SPOCK3: variants seen among roughly 807,000 people sequenced by gnomAD.
SPOCK3 encodes testican-3.
SPOCK3 carries 30 observed loss-of-function variants against 56.6 expected under a neutral mutation model. The ratio of observed to expected loss-of-function variants is 0.53; its 90% confidence interval spans 0.40 to 0.72. The LOEUF is 0.72. Among genes scored for constraint, SPOCK3 ranks in the 30% least tolerant of loss-of-function variants. The pLI is 0.00. For missense variants in SPOCK3, 527 were observed against 530.0 expected, an observed-to-expected ratio of 0.99 and a Z score of 0.06; for synonymous variants, 196 against 183.3, an observed-to-expected ratio of 1.07 and a Z score of -0.56.
chr4:167,110,984 A>G (rs1470196823), intron 2 of SPOCK3, among the ~76,000 whole-genome samples: 2 of 152,030 alleles, frequency 1.3e-5, no homozygotes, highest in Non-Finnish European at 2.9e-5. Flanking sequence ...TTTTGGAATG[A>G]CATACTAATA....
intron 5 of SPOCK3, among the ~76,000 whole-genome samples, chr4:166,899,572 T>G (rs547013918): frequency 5.6e-4 from 82 of 145,566 alleles, no homozygotes; most frequent in Non-Finnish European, 1.0e-3. Context: ...AGTGGCATGA[T>G]CTCAGCTTAC....
Position 167,100,778 on chromosome 4 carries a change from A to G in SPOCK3, c.190-38241T>C, listed in dbSNP as rs1321086371. Among the ~76,000 whole-genome samples the G allele has an allele frequency of 2.0e-5, 3 of 152,140 alleles. No homozygotes were observed. In the South Asian group the frequency reaches 6.2e-4, roughly 31 times the overall value. ...AGTTAAGCAAAATACCATCAATCAA[A>G]TCATTATATTCCCAAATCCAATTAT... On this transcript the variant is annotated intron_variant, in intron 2 of 10. Coordinates refer to ENST00000357545, the MANE Select transcript of SPOCK3 (RefSeq NM_001040159.2).
At chr4:167,202,846 T>C (rs1387344567) in intron 2 of SPOCK3, among the ~76,000 whole-genome samples, 1 of 151,874 alleles carries the variant, frequency 6.6e-6, no homozygotes, top group Non-Finnish European at 1.5e-5. Flanking sequence ...AAGATGTAGA[T>C]AAAGGGGAAT....
intron 4 of SPOCK3, among the ~76,000 whole-genome samples, chr4:166,949,145 G>A (rs1742168148): frequency 6.6e-6 from 1 of 152,106 alleles, no homozygotes; most frequent in South Asian, 2.1e-4. Flanking sequence ...CCGCTCCTGA[G>A]GCTTCTGCAT....
intron 3 of SPOCK3, among the ~76,000 whole-genome samples, chr4:167,004,124 A>G (rs1749224346): frequency 6.6e-6 from 1 of 152,198 alleles, no homozygotes; most frequent in Non-Finnish European, 1.5e-5. Flanking sequence ...TTGTTGGCAG[A>G]GATGTATAAA....
chr4:166,981,556 G>A (rs1746573641), intron 4 of SPOCK3, among the ~76,000 whole-genome samples: 1 of 152,138 alleles, frequency 6.6e-6, no homozygotes, highest in African/African-American at 2.4e-5. Context: ...GTTTTTATGG[G>A]CTCAGAAGGG....
chr4:167,186,975 C>T (rs1250652179), intron 2 of SPOCK3, among the ~76,000 whole-genome samples: 2 of 125,908 alleles, frequency 1.6e-5, no homozygotes, highest in Non-Finnish European at 3.2e-5. Flanking sequence ...AGACTCTGTG[C>T]CTCAAAAAAA....
intron 5 of SPOCK3, among the ~76,000 whole-genome samples, chr4:166,897,963 G>C (rs903443939): frequency 6.6e-6 from 1 of 152,130 alleles, no homozygotes; most frequent in African/African-American, 2.4e-5. Flanking sequence ...CCCAAGGCAG[G>C]AGGAGCACTT....
chr4:167,077,269 TAC>T (rs553960996), intron 2 of SPOCK3, among the ~76,000 whole-genome samples: 115 of 149,590 alleles, frequency 7.7e-4, no homozygotes, highest in African/African-American at 2.3e-3. Context: ...TCATTCTACA[TAC>T]ACACACACAC....
At chr4:166,992,132 TAA>T (rs1467058719) in intron 4 of SPOCK3, among the ~76,000 whole-genome samples, 1 of 152,038 alleles carries the variant, frequency 6.6e-6, no homozygotes, top group Non-Finnish European at 1.5e-5. Context: ...AAATATATAT[TAA>T]AATATTCCCA....
chr4:167,152,818 T>C (rs530400775), intron 2 of SPOCK3, among the ~76,000 whole-genome samples: 15 of 152,280 alleles, frequency 9.9e-5, no homozygotes, highest in Middle Eastern at 3.4e-3. Flanking sequence ...AGAGTATTTA[T>C]CAAAATATGT....
At chr4:166,805,664 C>A (rs1435747293) in intron 6 of SPOCK3, among the ~76,000 whole-genome samples, 1 of 152,018 alleles carries the variant, frequency 6.6e-6, no homozygotes, top group Non-Finnish European at 1.5e-5. Flanking sequence ...TGATAGAAGG[C>A]ATGCCTGCTA....
intron 2 of SPOCK3, among the ~76,000 whole-genome samples, chr4:167,232,906 C>G (rs900525861): frequency 6.6e-6 from 1 of 152,132 alleles, no homozygotes; most frequent in Non-Finnish European, 1.5e-5. Context: ...TTTTATTTTC[C>G]TAAATGGTGA....
At chr4:167,014,025 C>A (rs1750352298) in intron 3 of SPOCK3, among the ~76,000 whole-genome samples, 2 of 152,088 alleles carry the variant, frequency 1.3e-5, no homozygotes, top group Admixed American at 1.3e-4. Context: ...TATTTACAGG[C>A]ACATAGAAAG....
intron 2 of SPOCK3, among the ~76,000 whole-genome samples, chr4:167,172,817 T>C (rs1426123240): frequency 1.3e-5 from 2 of 152,158 alleles, no homozygotes; most frequent in African/African-American, 4.8e-5. Context: ...GAAAGACATA[T>C]CTGGTTGACA....
chr4:166,807,483 T>G (rs1311891294), intron 6 of SPOCK3, among the ~76,000 whole-genome samples: 1 of 152,146 alleles, frequency 6.6e-6, no homozygotes, highest in Non-Finnish European at 1.5e-5. Flanking sequence ...TGTTGTGTTG[T>G]TGTTTGTCCT....
chr4:166,991,479 C>T (rs1011852857), intron 4 of SPOCK3, among the ~76,000 whole-genome samples: 14 of 151,902 alleles, frequency 9.2e-5, no homozygotes, highest in African/African-American at 3.1e-4. Flanking sequence ...AGTGATTTCT[C>T]GTGCCTCAGC....
At chr4:166,953,693 C>T (rs1053272176) in intron 4 of SPOCK3, among the ~76,000 whole-genome samples, 2 of 152,116 alleles carry the variant, frequency 1.3e-5, no homozygotes, top group African/African-American at 4.8e-5. Context: ...CCCAAATGTC[C>T]AACAATGATA....
At chr4:167,201,775 T>C (rs1733542333) in intron 2 of SPOCK3, among the ~76,000 whole-genome samples, 1 of 151,810 alleles carries the variant, frequency 6.6e-6, no homozygotes, top group Non-Finnish European at 1.5e-5. Flanking sequence ...GTTAGCAGTA[T>C]TGTAGGAGAA....
Sources: allele counts gnomAD v4.1 joint callset (sites outside exome capture counted in the v4.1 genomes callset), GRCh38; gene constraint gnomAD v4.1.1; transcripts MANE v1.5; gene names NCBI Gene and HGNC (gene_info 2026-07-23, HGNC 2026-07-21).